The following SAMMSON variants were observed in gnomAD, a reference collection of about 807,000 sequenced individuals.
SAMMSON encodes the protein long intergenic non-protein coding RNA 1212.
At chr3:70,217,875 C>G (rs1232887640) in intron 4 of SAMMSON, among the ~76,000 whole-genome samples, 1 of 152,114 alleles carries the variant, frequency 6.6e-6, no homozygotes, top group East Asian at 1.9e-4. Context: ...GGCTCCCTAT[C>G]AGCATCTATC....
At chr3:70,299,399 T>G (rs938295401) in intron 7 of SAMMSON, among the ~76,000 whole-genome samples, 2 of 152,076 alleles carry the variant, frequency 1.3e-5, no homozygotes, top group Non-Finnish European at 2.9e-5. Context: ...TGAGAATAAT[T>G]TTTTTCCATT....
intron 6 of SAMMSON, among the ~76,000 whole-genome samples, chr3:70,285,693 A>G (rs1301297039): frequency 4.0e-5 from 6 of 149,572 alleles, no homozygotes; most frequent in Admixed American, 2.0e-4. Context: ...AAGTGTTCCT[A>G]TTTCTCCACA....
At chr3:70,178,801 G>A (rs1419211392) in intron 4 of SAMMSON, among the ~76,000 whole-genome samples, 2 of 152,146 alleles carry the variant, frequency 1.3e-5, no homozygotes, top group South Asian at 2.1e-4. Context: ...TTGAAGCCAG[G>A]AGTTAGAGAC....
intron 4 of SAMMSON, among the ~76,000 whole-genome samples, chr3:70,097,146 C>A (rs925336917): frequency 4.6e-5 from 7 of 152,174 alleles, no homozygotes; most frequent in African/African-American, 1.4e-4. Context: ...TAAAAGAGAA[C>A]TGTGAAAAGC....
intron 4 of SAMMSON, among the ~76,000 whole-genome samples, chr3:70,196,075 GCTGAAT>G (rs1701176365): frequency 6.6e-6 from 1 of 152,264 alleles, no homozygotes; most frequent in East Asian, 1.9e-4. Context: ...TGTAAAATGA[GCTGAAT>G]CTGTTTTAAT....
At chr3:70,201,639 A>G (rs1230099660) in intron 4 of SAMMSON, among the ~76,000 whole-genome samples, 1 of 152,136 alleles carries the variant, frequency 6.6e-6, no homozygotes, top group African/African-American at 2.4e-5. Flanking sequence ...GCAGCACTGT[A>G]ATTTGAACCA....
chr3:70,419,908 G>T (rs1156559002), intron 2 of SAMMSON, among the ~76,000 whole-genome samples: 1 of 152,194 alleles, frequency 6.6e-6, no homozygotes, highest in Non-Finnish European at 1.5e-5. Flanking sequence ...AAAGTGCTGG[G>T]ATTACAGGCA....
chr3:70,402,897 ATC>A (rs376798728), intron 2 of SAMMSON, among the ~76,000 whole-genome samples: 4 of 152,078 alleles, frequency 2.6e-5, no homozygotes, highest in East Asian at 1.9e-4. Flanking sequence ...GTATATATAT[ATC>A]TCTCTCTACC....
At chr3:70,213,377 G>A (rs1330157782) in intron 4 of SAMMSON, among the ~76,000 whole-genome samples, 4 of 152,066 alleles carry the variant, frequency 2.6e-5, no homozygotes, top group South Asian at 2.1e-4. Context: ...TTTAAGGTAG[G>A]GTGATTTTAA....
At chr3:70,139,050 A>C (rs2067517288) in intron 4 of SAMMSON, among the ~76,000 whole-genome samples, 1 of 152,190 alleles carries the variant, frequency 6.6e-6, no homozygotes, top group Admixed American at 6.5e-5. Context: ...TTACAGAGCT[A>C]CACTCTTCAA....
chr3:70,293,339 T>C (rs1312018819), intron 7 of SAMMSON, among the ~76,000 whole-genome samples: 1 of 152,168 alleles, frequency 6.6e-6, no homozygotes, highest in Non-Finnish European at 1.5e-5. Flanking sequence ...TATATGTGTG[T>C]CCTTATTAAT....
intron 7 of SAMMSON, among the ~76,000 whole-genome samples, chr3:70,293,284 A>G (rs763042392): frequency 6.6e-6 from 1 of 152,106 alleles, no homozygotes; most frequent in Non-Finnish European, 1.5e-5. Flanking sequence ...AAGAAAAACA[A>G]TTACATACAA....
chr3:70,061,823 A>G (rs899442202), intron 3 of SAMMSON, among the ~76,000 whole-genome samples: 17 of 152,206 alleles, frequency 1.1e-4, no homozygotes, highest in African/African-American at 3.9e-4. Flanking sequence ...TTTGCTGTAG[A>G]TATGCACAGG....
At chr3:70,189,372 T>C (rs539967161) in intron 4 of SAMMSON, among the ~76,000 whole-genome samples, 1 of 152,340 alleles carries the variant, frequency 6.6e-6, no homozygotes, top group African/African-American at 2.4e-5. Flanking sequence ...CACTAAGTTC[T>C]AAGCCATGCA....
At chr3:70,017,911 G>A (rs577972215) in intron 3 of SAMMSON, among the ~76,000 whole-genome samples, 44 of 152,254 alleles carry the variant, frequency 2.9e-4, no homozygotes, top group African/African-American at 1.0e-3. Context: ...TGTTGAACCA[G>A]CCTTGCATCC....
chr3:70,398,827 A>G (rs188126126), intron 2 of SAMMSON, among the ~76,000 whole-genome samples: 24 of 152,358 alleles, frequency 1.6e-4, no homozygotes, highest in Admixed American at 5.2e-4. Flanking sequence ...TGTCAGCCTC[A>G]TGGCTTTTGG....
At chr3:70,036,175 GC>G (rs1368394912) in intron 3 of SAMMSON, among the ~76,000 whole-genome samples, 2 of 152,036 alleles carry the variant, frequency 1.3e-5, no homozygotes, top group Non-Finnish European at 2.9e-5. Context: ...AGGGAGAGAG[GC>G]CAATAGTCCC....
intron 4 of SAMMSON, among the ~76,000 whole-genome samples, chr3:70,099,415 A>G (rs1009093343): frequency 2.0e-5 from 3 of 152,140 alleles, no homozygotes; most frequent in Non-Finnish European, 4.4e-5. Context: ...GTTTTAAATG[A>G]CACTTCATTG....
chr3:70,140,967 G>A (rs576034428), intron 4 of SAMMSON, among the ~76,000 whole-genome samples: 6 of 151,918 alleles, frequency 3.9e-5, no homozygotes, highest in Non-Finnish European at 8.8e-5. Context: ...TTTCTCTCTG[G>A]GACTTCATCA....
Sources: gnomAD v4.1 joint callset for allele counts (sites outside exome capture counted in the v4.1 genomes callset) on GRCh38, gnomAD v4.1.1 for gene constraint, MANE v1.5 for transcripts, NCBI Gene and HGNC (gene_info 2026-07-23, HGNC 2026-07-21) for gene names.